FSTL5: variants seen among roughly 807,000 people sequenced by gnomAD.
The protein encoded by FSTL5 is follistatin-related protein 5.
In FSTL5, 62 loss-of-function variants were observed where a neutral mutation model predicts 89.1. The observed-to-expected ratio is 0.70, with a 90% CI of 0.57 to 0.86. The LOEUF is 0.86. Among genes scored for constraint, FSTL5 ranks in the 40% least tolerant of loss-of-function variants. The probability of loss-of-function intolerance (pLI) is 0.00; values close to 1 mark genes in which losing one functional copy is unlikely to be tolerated. For synonymous variants in FSTL5, 383 were observed against 346.2 expected, an observed-to-expected ratio of 1.11 and a Z score of -1.18; for missense variants, 1,057 against 1,001.6, an observed-to-expected ratio of 1.06 and a Z score of -0.75.
At chr4:162,103,017 G>T (rs1731065688) in intron 2 of FSTL5, among the ~76,000 whole-genome samples, 2 of 152,082 alleles carry the variant, frequency 1.3e-5, no homozygotes, top group African/African-American at 2.4e-5. Context: ...GGTCACAAAG[G>T]TGTAAAAGAG....
chr4:161,702,629 C>T (rs1362733149), intron 6 of FSTL5, among the ~76,000 whole-genome samples: 3 of 152,108 alleles, frequency 2.0e-5, no homozygotes, highest in Non-Finnish European at 2.9e-5. Flanking sequence ...CCCAGGTTGC[C>T]ACAGCTGTAG....
intron 4 of FSTL5, among the ~76,000 whole-genome samples, chr4:161,836,725 A>T (rs561246696): frequency 2.0e-5 from 3 of 152,080 alleles, no homozygotes; most frequent in African/African-American, 7.2e-5. Flanking sequence ...AAAATTAAAG[A>T]TATTGTGAAA....
chr4:161,693,091 C>T (rs1406325233), intron 6 of FSTL5, among the ~76,000 whole-genome samples: 3 of 152,096 alleles, frequency 2.0e-5, no homozygotes, highest in Non-Finnish European at 4.4e-5. Flanking sequence ...TGTTTATCAT[C>T]CAGTGTATGG....
intron 8 of FSTL5, 107 bp from the exon 9 acceptor site, chr4:161,542,800 G>T: frequency 1.8e-6 from 1 of 567,594 alleles, no homozygotes; most frequent in African/African-American, 1.9e-5. Context: ...ATATTTTAAT[G>T]ATGCTATACG....
intron 4 of FSTL5, among the ~76,000 whole-genome samples, chr4:161,859,783 T>A (rs1731841350): frequency 6.6e-6 from 1 of 152,172 alleles, no homozygotes; most frequent in African/African-American, 2.4e-5. Context: ...GATTAAGTGC[T>A]ATTATGTTCA....
intron 3 of FSTL5, among the ~76,000 whole-genome samples, chr4:162,003,122 G>A (rs1427933011): frequency 1.3e-5 from 2 of 151,786 alleles, no homozygotes; most frequent in Non-Finnish European, 2.9e-5. Flanking sequence ...TCTGCCTGGG[G>A]GACAGAGCAA....
intron 6 of FSTL5, among the ~76,000 whole-genome samples, chr4:161,699,487 G>A (rs771590986): frequency 1.1e-4 from 16 of 152,108 alleles, no homozygotes; most frequent in Non-Finnish European, 1.8e-4. Flanking sequence ...AGAGACCACT[G>A]TGTTTAAGAA....
intron 2 of FSTL5, among the ~76,000 whole-genome samples, chr4:162,043,805 T>C (rs1348926432): frequency 1.3e-5 from 2 of 152,180 alleles, no homozygotes; most frequent in African/African-American, 4.8e-5. Context: ...AGGAGTAGAT[T>C]CCATTTCAAG....
chr4:161,607,523 T>C (rs1734495926), intron 7 of FSTL5, among the ~76,000 whole-genome samples: 1 of 152,182 alleles, frequency 6.6e-6, no homozygotes, highest in Non-Finnish European at 1.5e-5. Flanking sequence ...TGTAAAGTAT[T>C]AAAAACTTTC....
intron 10 of FSTL5, among the ~76,000 whole-genome samples, chr4:161,513,990 C>T (rs576321034): frequency 1.3e-5 from 2 of 151,878 alleles, no homozygotes; most frequent in Admixed American, 6.6e-5. Context: ...AAAATTTTAA[C>T]AAAAAGAAAT....
At chr4:161,995,573 T>C (rs746203262) in intron 3 of FSTL5, among the ~76,000 whole-genome samples, 4 of 152,140 alleles carry the variant, frequency 2.6e-5, no homozygotes, top group African/African-American at 4.8e-5. Context: ...GGTTATTCAT[T>C]TGTCAGTACC....
intron 11 of FSTL5, among the ~76,000 whole-genome samples, chr4:161,504,772 A>G (rs13435495): frequency 0.017 from 2,599 of 152,138 alleles, 68 homozygotes; most frequent in African/African-American, 0.058. Flanking sequence ...GCACTTTCCT[A>G]TCTCAATCCT....
At chr4:161,862,647 A>G (rs908651502) in intron 4 of FSTL5, among the ~76,000 whole-genome samples, 2 of 152,032 alleles carry the variant, frequency 1.3e-5, no homozygotes, top group African/African-American at 2.4e-5. Context: ...CAGGAGAATC[A>G]CTTGAACCCA....
intron 10 of FSTL5, among the ~76,000 whole-genome samples, chr4:161,527,770 T>C (rs1578900814): frequency 6.6e-6 from 1 of 151,562 alleles, no homozygotes; most frequent in Non-Finnish European, 1.5e-5. Flanking sequence ...AGAAATACCA[T>C]TTGATCCAGC....
intron 12 of FSTL5, among the ~76,000 whole-genome samples, chr4:161,491,622 C>A (rs2126470690): frequency 6.6e-6 from 1 of 152,118 alleles, no homozygotes; most frequent in East Asian, 1.9e-4. Context: ...GGGCAAATCA[C>A]CTGAGGTCAG....
At chr4:161,485,484 C>T (rs1266483850) in intron 12 of FSTL5, among the ~76,000 whole-genome samples, 1 of 152,074 alleles carries the variant, frequency 6.6e-6, no homozygotes, top group African/African-American at 2.4e-5. Flanking sequence ...AATTGTTGAA[C>T]AGGCAGTTTC....
chr4:161,853,525 C>G (rs537182913), intron 4 of FSTL5, among the ~76,000 whole-genome samples: 1 of 151,620 alleles, frequency 6.6e-6, no homozygotes, highest in South Asian at 2.1e-4. Flanking sequence ...GCCTCGGCCT[C>G]CCTCGGCCTC....
chr4:162,099,711 A>G (rs1005732265), intron 2 of FSTL5, among the ~76,000 whole-genome samples: 3 of 152,252 alleles, frequency 2.0e-5, no homozygotes, highest in Non-Finnish European at 4.4e-5. Context: ...TACAATGAAC[A>G]TGAAAAACAC....
Position 161,665,387 on chromosome 4 carries a change from C to A in FSTL5, c.728-8893G>T, listed in dbSNP as rs535417914. 3.9e-5 allele frequency among the ~76,000 whole-genome samples: 6 copies of A among 152,202 alleles called. No homozygotes were observed. The South Asian group carries it at 1.2e-3, about 32-fold the overall frequency. On this transcript the variant is annotated intron_variant, in intron 6 of 15. Transcript: ENST00000306100. ...CTCCCCAGACTACAGGCGCCCGCTA[C>A]CTCGCCTGGCTAATTTTTTGTATTT...
Sources: allele counts gnomAD v4.1 joint callset (sites outside exome capture counted in the v4.1 genomes callset), GRCh38; gene constraint gnomAD v4.1.1; transcripts MANE v1.5; gene names NCBI Gene and HGNC (gene_info 2026-07-23, HGNC 2026-07-21).